The following UTRN variants were observed in gnomAD, a reference collection of about 807,000 sequenced individuals.
UTRN encodes the protein dystrophin-related protein 1.
A neutral mutation model predicts 463.9 loss-of-function variants in UTRN; 283 were observed. The observed-to-expected ratio is 0.61, with a 90% CI of 0.55 to 0.67. The LOEUF (loss-of-function observed/expected upper bound fraction) is 0.67, where lower values mean the gene tolerates loss of function less well. Ranked by LOEUF, UTRN falls within the 30% of genes least tolerant of loss-of-function variation. The pLI is 0.00. For synonymous variants in UTRN, 1,442 were observed against 1,431.5 expected (o/e 1.01, Z -0.17); for missense variants, 3,922 against 4,084.3 (o/e 0.96, Z 1.08).
At chr6:144,366,097 C>T (rs938969810) in intron 2 of UTRN, among the ~76,000 whole-genome samples, 10 of 152,160 alleles carry the variant, frequency 6.6e-5, no homozygotes, top group African/African-American at 2.4e-4. Context: ...GTATGTGCAT[C>T]GCATTCTATT....
chr6:144,322,015 C>G (rs550131383), intron 2 of UTRN, among the ~76,000 whole-genome samples: 11 of 152,314 alleles, frequency 7.2e-5, no homozygotes, highest in African/African-American at 2.6e-4. Context: ...CCACCCGCCT[C>G]GGCCTCCCAC....
At chr6:144,492,769 A>C (rs1585001447) in intron 32 of UTRN, among the ~76,000 whole-genome samples, 1 of 152,268 alleles carries the variant, frequency 6.6e-6, no homozygotes, top group African/African-American at 2.4e-5. Flanking sequence ...AAATCTGTTT[A>C]CTTATAGTTA....
chr6:144,835,518 CTGAG>C (rs1367626933), intron 69 of UTRN, among the ~76,000 whole-genome samples: 6 of 152,054 alleles, frequency 3.9e-5, no homozygotes, highest in African/African-American at 1.4e-4. Context: ...GTTTTTTCTG[CTGAG>C]TAAGATATCC....
intron 51 of UTRN, among the ~76,000 whole-genome samples, chr6:144,617,026 T>C (rs754784828): frequency 9.2e-5 from 14 of 152,192 alleles, no homozygotes; most frequent in Admixed American, 5.2e-4. Context: ...CCCTGCATTA[T>C]TGATTTTCAA....
chr6:144,651,967 C>A (rs12209795), intron 51 of UTRN, among the ~76,000 whole-genome samples: 5 of 152,072 alleles, frequency 3.3e-5, no homozygotes, highest in Non-Finnish European at 7.4e-5. Flanking sequence ...CCTCACCCCC[C>A]TCCCACACTT....
chr6:144,462,160 A>AT (rs892441809), intron 22 of UTRN, among the ~76,000 whole-genome samples: 34 of 151,054 alleles, frequency 2.3e-4, no homozygotes, highest in Admixed American at 5.9e-4. Context: ...AATATGCGGT[A>AT]TTTTTTTTTG....
chr6:144,586,320 C>T lies in UTRN; in HGVS notation c.7479+9032C>T, dbSNP rs969332844. On this transcript the variant is annotated intron_variant, in intron 51 of 74. Coordinates refer to ENST00000367545, the MANE Select transcript of UTRN (RefSeq NM_007124.3). ...TTTTGCCTTTAAAAATATTTCTTCT[C>T]GGTTATACATCCAATAAAATTTGAG... Among the ~76,000 whole-genome samples the T allele has an allele frequency of 3.3e-5, 5 of 152,104 alleles. No homozygotes were observed. In the East Asian group the frequency reaches 5.8e-4, roughly 18 times the overall value.
chr6:144,614,284 A>G (rs1430618991), intron 51 of UTRN, among the ~76,000 whole-genome samples: 1 of 152,134 alleles, frequency 6.6e-6, no homozygotes. Flanking sequence ...ACAGTAAAGC[A>G]TGGAGAAAAG....
At chr6:144,514,200 A>G (rs181469680) in intron 36 of UTRN, among the ~76,000 whole-genome samples, 163 bp downstream of exon 36, 2 of 152,358 alleles carry the variant, frequency 1.3e-5, no homozygotes, top group East Asian at 1.9e-4. Flanking sequence ...GAGACAAAAT[A>G]AGAGACGAAC....
chr6:144,371,760 A>G (rs1780006977), intron 2 of UTRN, among the ~76,000 whole-genome samples: 1 of 152,184 alleles, frequency 6.6e-6, no homozygotes, highest in Non-Finnish European at 1.5e-5. Flanking sequence ...AGGGTAGAAG[A>G]AGGAGTGACA....
chr6:144,478,961 A>G (rs138443619), intron 25 of UTRN, among the ~76,000 whole-genome samples: 200 of 152,308 alleles, frequency 1.3e-3, no homozygotes, highest in African/African-American at 4.6e-3. Flanking sequence ...TGTGGCATAT[A>G]CAAACATAGT....
intron 53 of UTRN, among the ~76,000 whole-genome samples, chr6:144,704,968 A>C (rs1211105694): frequency 6.6e-6 from 1 of 152,186 alleles, no homozygotes; most frequent in African/African-American, 2.4e-5. Flanking sequence ...CTCAAAAACA[A>C]ACAAAAAAAC....
At chr6:144,738,508 A>T (rs1789692546) in intron 54 of UTRN, among the ~76,000 whole-genome samples, 2 of 152,164 alleles carry the variant, frequency 1.3e-5, no homozygotes, top group Non-Finnish European at 2.9e-5. Flanking sequence ...CATACCACAT[A>T]CAGATGCAGG....
intron 34 of UTRN, among the ~76,000 whole-genome samples, chr6:144,508,526 C>G (rs1794894225): frequency 6.6e-6 from 1 of 152,180 alleles, no homozygotes; most frequent in Non-Finnish European, 1.5e-5. Context: ...TCTTGCGCTT[C>G]CCTGGTGAAG....
intron 51 of UTRN, among the ~76,000 whole-genome samples, chr6:144,614,029 A>G (rs943346288): frequency 2.0e-5 from 3 of 152,040 alleles, no homozygotes; most frequent in Admixed American, 6.6e-5. Context: ...TGATTCTCTC[A>G]TTATGAGTCA....
intron 39 of UTRN, among the ~76,000 whole-genome samples, chr6:144,520,255 G>C (rs989780705): frequency 6.6e-6 from 1 of 152,096 alleles, no homozygotes; most frequent in Non-Finnish European, 1.5e-5. Context: ...CTAGTTTTCT[G>C]ATCTTCCAAA....
chr6:144,410,485 C>T (rs372964830), intron 3 of UTRN, among the ~76,000 whole-genome samples: 13 of 152,014 alleles, frequency 8.6e-5, no homozygotes, highest in Non-Finnish European at 2.9e-5. Flanking sequence ...AGTTCTTTAA[C>T]GGTGATTTGG....
At chr6:144,698,118 G>A (rs1056465334) in intron 52 of UTRN, among the ~76,000 whole-genome samples, 1 of 152,138 alleles carries the variant, frequency 6.6e-6, no homozygotes, top group South Asian at 2.1e-4. Context: ...CTGCAAAATG[G>A]CTTAGAACTA....
At chr6:144,323,750 C>G (rs1246593760) in intron 2 of UTRN, among the ~76,000 whole-genome samples, 3 of 152,158 alleles carry the variant, frequency 2.0e-5, no homozygotes, top group Non-Finnish European at 4.4e-5. Flanking sequence ...AGCTTCTTGA[C>G]TGCCAGGGGA....
Sources: gnomAD v4.1 joint callset for allele counts (sites outside exome capture counted in the v4.1 genomes callset) on GRCh38, gnomAD v4.1.1 for gene constraint, MANE v1.5 for transcripts, NCBI Gene and HGNC (gene_info 2026-07-23, HGNC 2026-07-21) for gene names.